Variants in VGLL4 observed in about 807,000 individuals in gnomAD.
VGLL4 encodes the protein transcription cofactor vestigial-like protein 4.
In VGLL4, 7 loss-of-function variants were observed where a neutral mutation model predicts 21.0. The observed-to-expected ratio is 0.33, with a 90% CI of 0.19 to 0.63. VGLL4 has a LOEUF of 0.63. VGLL4 is among the 20% of genes least tolerant of loss of function. The pLI is 0.78. For synonymous variants in VGLL4, 222 were observed against 173.2 expected (o/e 1.28, Z -2.21); for missense variants, 394 against 425.7 (o/e 0.93, Z 0.66).
In VGLL4 at chr3:11,690,571, TA is replaced by T. The variant is rs1174604140; in HGVS notation, c.64+12399del. 2.0e-5 allele frequency among the ~76,000 whole-genome samples: 3 copies of T among 152,192 alleles called. No individual in the cohort carries two copies. In the East Asian group the frequency reaches 5.8e-4, roughly 29 times the overall value. On this transcript the variant is annotated intron_variant, in intron 2 of 5. Transcript: ENST00000273038. ...GACTTTAGGCCTCTTGAATTCATTT[TA>T]AAAGTAACTACAGTCCAGTTAAACA...
intron 1 of VGLL4, among the ~76,000 whole-genome samples, chr3:11,619,172 A>T (rs1372861687): frequency 6.6e-6 from 1 of 152,236 alleles, no homozygotes; most frequent in African/African-American, 2.4e-5. Context: ...CTTGCCCTGC[A>T]CTTCAAAGGT....
intron 2 of VGLL4, among the ~76,000 whole-genome samples, chr3:11,663,469 A>G (rs1437863540): frequency 6.6e-6 from 1 of 152,246 alleles, no homozygotes; most frequent in African/African-American, 2.4e-5. Flanking sequence ...CTGCGATACC[A>G]GCACTTAGGG....
intron 2 of VGLL4, among the ~76,000 whole-genome samples, chr3:11,696,274 A>AT (rs1361562520): frequency 6.6e-6 from 1 of 152,182 alleles, no homozygotes; most frequent in Admixed American, 6.5e-5. Flanking sequence ...CAACTACTCC[A>AT]TTAGAGGCAG....
In VGLL4 at chr3:11,564,957, T is replaced by C. The variant is rs939528691; in HGVS notation, c.335A>G (p.Glu112Gly). 8 of 1,560,166 alleles carry C rather than the reference T, an allele frequency of 5.1e-6. No homozygotes were observed. The African/African-American group carries it at 6.9e-5, about 13-fold the overall frequency. Residue 112 changes from glutamate to glycine, a missense_variant, in exon 3 of 5, where the codon GAG (glutamate) becomes GGG (glycine). Glu to Gly is a moderately conservative substitution (Grantham distance 98). Transcript: ENST00000430365. The stretch of plus-strand genomic sequence containing the variant: ...GCTCATGGTGGGGGCCACAGCGCGC[T>C]CGATGGGGCTGCGGCTCCGCTCCCG... Reference protein sequence around the residue: ...DPRERSRSPIERAVAPTMSLH... With the variant: ...DPRERSRSPIGRAVAPTMSLH...
intron 1 of VGLL4, among the ~76,000 whole-genome samples, chr3:11,612,867 T>A (rs1362405207): frequency 6.6e-6 from 1 of 152,228 alleles, no homozygotes; most frequent in African/African-American, 2.4e-5. Context: ...AAAAGGCTCT[T>A]AAAGCCTGGC....
chr3:11,575,966 G>A (rs1429407508), intron 2 of VGLL4, among the ~76,000 whole-genome samples: 7 of 152,206 alleles, frequency 4.6e-5, no homozygotes, highest in Non-Finnish European at 1.0e-4. Flanking sequence ...CAGATCCTCA[G>A]GTCACGTTTC....
intron 3 of VGLL4, among the ~76,000 whole-genome samples, chr3:11,561,313 G>A (rs779172887): frequency 2.0e-5 from 3 of 152,082 alleles, no homozygotes; most frequent in Non-Finnish European, 2.9e-5. Context: ...ATCCAAGGCA[G>A]GAAAGGCCAC....
chr3:11,714,495 A>G (rs2076892067), intron 1 of VGLL4, among the ~76,000 whole-genome samples: 1 of 151,898 alleles, frequency 6.6e-6, no homozygotes, highest in African/African-American at 2.4e-5. Flanking sequence ...GTTCGAGTCC[A>G]GACTGGCCTA....
At chr3:11,580,596 C>A in intron 2 of VGLL4, among the ~76,000 whole-genome samples, 1 of 152,204 alleles carries the variant, frequency 6.6e-6, no homozygotes, top group Non-Finnish European at 1.5e-5. Flanking sequence ...GTATAGGATG[C>A]ATTTTTCATT....
chr3:11,695,797 G>C (rs1432715772), intron 2 of VGLL4, among the ~76,000 whole-genome samples: 2 of 152,002 alleles, frequency 1.3e-5, no homozygotes, highest in Middle Eastern at 3.2e-3. Context: ...GAAAATGCAC[G>C]GCACACCCCT....
chr3:11,676,612 AT>A (rs11312695), intron 2 of VGLL4, among the ~76,000 whole-genome samples: 80,016 of 151,480 alleles, frequency 0.53, 22,200 homozygotes, highest in Non-Finnish European at 0.63. Context: ...GGCATGATAA[AT>A]TTATTACAAA....
intron 2 of VGLL4, among the ~76,000 whole-genome samples, chr3:11,684,730 C>CTCTG: frequency 6.7e-6 from 1 of 148,784 alleles, no homozygotes; most frequent in African/African-American, 2.5e-5. Flanking sequence ...CAACCTTTTT[C>CTCTG]TGTGTGTGTG....
chr3:11,676,110 G>C (rs1048637080), intron 2 of VGLL4, among the ~76,000 whole-genome samples: 1 of 152,202 alleles, frequency 6.6e-6, no homozygotes, highest in Admixed American at 6.5e-5. Context: ...ATTTTTGGCC[G>C]GGTGCAGTGG....
intron 2 of VGLL4, among the ~76,000 whole-genome samples, chr3:11,588,092 G>A (rs1464213142): frequency 6.6e-6 from 1 of 152,216 alleles, no homozygotes; most frequent in African/African-American, 2.4e-5. Flanking sequence ...GGGTTTATGT[G>A]GGCTTAAAAG....
Position 11,713,568 on chromosome 3 carries a change from T to TTATATATATATATATATA in VGLL4, c.-14+6808_-14+6825dup, listed in dbSNP as rs10690353. Among the ~76,000 whole-genome samples the TTATATATATATATATATA allele has an allele frequency of 9.6e-4, 134 of 140,272 alleles. 1 individual carries two copies. Among genetic ancestry groups the TTATATATATATATATATA allele is most frequent in the Middle Eastern group, 3.6e-3 (1 of 274 alleles). 92.0% of individuals were successfully genotyped at this position (140,272 alleles called of 152,430 possible). ...TGAGAACTGTGTGTATATATATTAT[T>TTATATATATATATATATA]TATATATATATATATATATATATCT... On this transcript the variant is annotated intron_variant, in intron 1 of 5. Coordinates refer to the VGLL4 transcript ENST00000273038.
chr3:11,710,129 C>T (rs932527700), intron 1 of VGLL4, among the ~76,000 whole-genome samples: 26 of 152,156 alleles, frequency 1.7e-4, no homozygotes, highest in Admixed American at 1.2e-3. Context: ...TCACGCATCA[C>T]CAAGGGGATG....
intron 2 of VGLL4, among the ~76,000 whole-genome samples, chr3:11,671,094 G>A (rs374585450): frequency 5.3e-5 from 8 of 152,240 alleles, no homozygotes; most frequent in South Asian, 2.1e-4. Context: ...AGCTGCCCCC[G>A]TCCTTAAGAC....
intron 1 of VGLL4, among the ~76,000 whole-genome samples, chr3:11,618,368 A>G (rs1186084620): frequency 6.6e-6 from 1 of 152,220 alleles, no homozygotes; most frequent in African/African-American, 2.4e-5. Flanking sequence ...ACTGAAGTCA[A>G]AAGTATGTGA....
intron 1 of VGLL4, among the ~76,000 whole-genome samples, chr3:11,635,827 T>G (rs2075575885): frequency 6.6e-6 from 1 of 152,236 alleles, no homozygotes; most frequent in African/African-American, 2.4e-5. Context: ...CCCTTTACTT[T>G]CTAGTCGGTA....
Sources: gnomAD v4.1 joint callset for allele counts (sites outside exome capture counted in the v4.1 genomes callset) on GRCh38, gnomAD v4.1.1 for gene constraint, MANE v1.5 for transcripts, NCBI Gene and HGNC (gene_info 2026-07-23, HGNC 2026-07-21) for gene names.